Variants in ALK observed in about 807,000 individuals in gnomAD.
The protein encoded by ALK is ALK receptor tyrosine kinase, also known as ALK tyrosine kinase receptor.
In ALK, 74 loss-of-function variants were observed where a neutral mutation model predicts 163.1. The ratio of observed to expected loss-of-function variants is 0.45; its 90% CI spans 0.38 to 0.55. The LOEUF is 0.55. ALK is among the 20% of genes least tolerant of loss of function. ALK has a pLI of 0.00. For synonymous variants in ALK, 960 were observed against 843.2 expected (o/e 1.14, Z -2.40); for missense variants, 2,063 against 2,105.3 (o/e 0.98, Z 0.39).
chr2:29,649,243 A>AG lies in ALK; in HGVS notation c.952+45606_952+45607insC, dbSNP rs200019642. Among the ~76,000 whole-genome samples, 242 of 151,018 alleles carry AG rather than the reference A, an allele frequency of 1.6e-3. 1 individual carries two copies. The highest frequency in any genetic ancestry group is 5.5e-3 in the African/African-American group (226 of 41,044). ...GAGAGAGAGAGAGAGAGAGAGAGAG[A>AG]AAGTGCGTGCGTGTGTGTGTGTGTG... On this transcript the variant is annotated intron_variant, in intron 3 of 28. Transcript: ENST00000389048.
chr2:29,742,640 C>A, intron 1 of ALK, among the ~76,000 whole-genome samples: 1 of 152,224 alleles, frequency 6.6e-6, no homozygotes, highest in Middle Eastern at 3.2e-3. Context: ...AAACCAGCAA[C>A]CATAGCTCAG....
At chr2:29,846,590 G>A (rs1665849586) in intron 1 of ALK, among the ~76,000 whole-genome samples, 3 of 152,120 alleles carry the variant, frequency 2.0e-5, no homozygotes, top group Admixed American at 1.3e-4. Context: ...CTACTTGGTG[G>A]TAGAGACTCT....
At chr2:29,216,216 A>G (rs1669601710) in intron 23 of ALK, among the ~76,000 whole-genome samples, 1 of 152,110 alleles carries the variant, frequency 6.6e-6, no homozygotes, top group Admixed American at 6.5e-5. Context: ...TGTTCTTCTC[A>G]TGGCCATGGT....
At chr2:29,648,453 C>T (rs1047976664) in intron 3 of ALK, among the ~76,000 whole-genome samples, 1 of 152,152 alleles carries the variant, frequency 6.6e-6, no homozygotes, top group African/African-American at 2.4e-5. Context: ...CTTCAGAACT[C>T]TTTTCACCTT....
rs113864860 is a variant in ALK, at chr2:29,592,942, G to A, written c.953-60826C>T. On this transcript the variant is annotated intron_variant, in intron 3 of 28. Transcript: ENST00000389048. ...GAGAATGGCCCCGCTGCAACTTGAC[G>A]CTGGCCTCCAGAGCTGCGAGATAAT... 2.4e-3 allele frequency among the ~76,000 whole-genome samples: 364 copies of A among 152,260 alleles called. 3 individuals are homozygous for A. Among genetic ancestry groups the A allele is most frequent in the South Asian group, 0.023 (111 of 4,826 alleles).
At chr2:29,908,280 G>GCACACACA (rs10607985) in intron 1 of ALK, among the ~76,000 whole-genome samples, 44 of 148,578 alleles carry the variant, frequency 3.0e-4, no homozygotes, top group African/African-American at 1.1e-3. Context: ...ACTCTCCAGA[G>GCACACACA]CACACACACA....
intron 4 of ALK, among the ~76,000 whole-genome samples, chr2:29,407,126 A>T (rs1573326608): frequency 1.3e-5 from 2 of 152,180 alleles, no homozygotes; most frequent in Non-Finnish European, 2.9e-5. Context: ...CCTGTCCTTC[A>T]ACTCTCCAGC....
intron 3 of ALK, among the ~76,000 whole-genome samples, chr2:29,674,159 C>T (rs1312270608): frequency 4.0e-5 from 6 of 151,332 alleles, no homozygotes; most frequent in Non-Finnish European, 8.9e-5. Flanking sequence ...AATTGAATAC[C>T]CTTTATTTCC....
At chr2:29,340,196 T>A (rs1667749427) in intron 5 of ALK, among the ~76,000 whole-genome samples, 1 of 152,230 alleles carries the variant, frequency 6.6e-6, no homozygotes, top group Non-Finnish European at 1.5e-5. Context: ...GTAAAATATG[T>A]CATTTTCTCC....
At chr2:29,674,220 G>A (rs1484692186) in intron 3 of ALK, among the ~76,000 whole-genome samples, 1 of 151,744 alleles carries the variant, frequency 6.6e-6, no homozygotes, top group Admixed American at 6.6e-5. Flanking sequence ...TGTTGAATAG[G>A]AGAGGTGAGA....
intron 9 of ALK, among the ~76,000 whole-genome samples, chr2:29,287,760 G>C (rs1665898651): frequency 6.6e-6 from 1 of 151,590 alleles, no homozygotes; most frequent in Non-Finnish European, 1.5e-5. Context: ...CAAGGCCAGA[G>C]GAAAGGCCCA....
At chr2:29,817,788 A>G (rs1003418982) in intron 1 of ALK, among the ~76,000 whole-genome samples, 17 of 152,234 alleles carry the variant, frequency 1.1e-4, no homozygotes, top group African/African-American at 4.1e-4. Context: ...AATGAAGAGA[A>G]AAGAGCCCCC....
At chr2:29,642,672 T>C (rs1239469096) in intron 3 of ALK, among the ~76,000 whole-genome samples, 1 of 152,198 alleles carries the variant, frequency 6.6e-6, no homozygotes, top group Non-Finnish European at 1.5e-5. Context: ...GTTTCTCTCC[T>C]GTCTCAGACT....
At chr2:29,498,541 C>T (rs1291454174) in intron 4 of ALK, among the ~76,000 whole-genome samples, 1 of 152,074 alleles carries the variant, frequency 6.6e-6, no homozygotes, top group Non-Finnish European at 1.5e-5. Context: ...AAATCAGGGT[C>T]TTGGGTGCAG....
intron 1 of ALK, among the ~76,000 whole-genome samples, chr2:29,764,724 T>C (rs1221650423): frequency 2.0e-5 from 3 of 152,196 alleles, no homozygotes; most frequent in Non-Finnish European, 2.9e-5. Flanking sequence ...AATAATAAGG[T>C]TGCAAGAGGA....
chr2:29,815,053 G>A (rs546136837), intron 1 of ALK, among the ~76,000 whole-genome samples: 49 of 147,402 alleles, frequency 3.3e-4, no homozygotes, highest in African/African-American at 1.1e-3. Context: ...AGTATGGTGC[G>A]GGCCATTAGT....
rs572576477 is a variant in ALK, at chr2:29,620,018, G to T, written c.952+74832C>A. Among the ~76,000 whole-genome samples, 21 of 152,354 alleles carry T rather than the reference G, an allele frequency of 1.4e-4. No homozygotes were observed. In the South Asian group the frequency reaches 4.1e-3, roughly 30 times the overall value. ...GCTCAGGTTTCTGGGTTCATTACTT[G>T]GCTCTCCAGTAGACGTTCCAGCCTT... is the stretch of plus-strand genomic sequence containing the variant. On this transcript the variant is annotated intron_variant, in intron 3 of 28. Coordinates refer to ENST00000389048, the MANE Select transcript of ALK (RefSeq NM_004304.5).
chr2:29,431,609 T>C (rs969358233), intron 4 of ALK, among the ~76,000 whole-genome samples: 5 of 152,152 alleles, frequency 3.3e-5, no homozygotes, highest in African/African-American at 1.2e-4. Flanking sequence ...GAAATATGTA[T>C]ACCATTGCCA....
At chr2:29,562,871 T>G (rs1674066802) in intron 3 of ALK, among the ~76,000 whole-genome samples, 1 of 152,196 alleles carries the variant, frequency 6.6e-6, no homozygotes, top group Non-Finnish European at 1.5e-5. Context: ...GCTTAACAGA[T>G]TCGAAAGGAT....
Sources: allele counts gnomAD v4.1 joint callset (sites outside exome capture counted in the v4.1 genomes callset), GRCh38; gene constraint gnomAD v4.1.1; transcripts MANE v1.5; gene names NCBI Gene and HGNC (gene_info 2026-07-23, HGNC 2026-07-21).